Variants in CLEC17A observed in about 807,000 individuals in gnomAD.
The protein encoded by CLEC17A is C-type lectin domain containing 17A.
A neutral mutation model predicts 61.3 loss-of-function variants in CLEC17A; 37 were observed. The observed-to-expected ratio is 0.60, with a 90% CI of 0.46 to 0.79. The LOEUF is 0.79. Among genes scored for constraint, CLEC17A ranks in the 30% least tolerant of loss-of-function variants. The probability of loss-of-function intolerance (pLI) is 0.00; values close to 1 mark genes in which losing one functional copy is unlikely to be tolerated. For missense variants in CLEC17A, 418 were observed against 464.7 expected (o/e 0.90, Z 0.92); for synonymous variants, 168 against 164.9 (o/e 1.02, Z -0.14).
intron 7 of CLEC17A, 100 bp downstream of exon 7, chr19:14,594,900 G>A: frequency 5.9e-6 from 7 of 1,191,410 alleles, no homozygotes; most frequent in Non-Finnish European, 8.4e-6. Context: ...TTGAGACAGA[G>A]TCTCACTGTC....
chr19:14,589,336 A>G (rs549409886), intron 3 of CLEC17A, among the ~76,000 whole-genome samples: 2 of 128,720 alleles, frequency 1.6e-5, no homozygotes, highest in East Asian at 2.0e-4. Context: ...ATCCCCTTCC[A>G]TCCCTTCCCC....
upstream of CLEC17A, among the ~76,000 whole-genome samples, chr19:14,581,969 T>C (rs895181508): frequency 4.6e-5 from 7 of 152,078 alleles, no homozygotes; most frequent in African/African-American, 1.7e-4. Flanking sequence ...TTTATAGTTC[T>C]GGAGTCAGGA....
At chr19:14,605,387 C>T (rs545710581) in intron 12 of CLEC17A, among the ~76,000 whole-genome samples, 18 of 151,678 alleles carry the variant, frequency 1.2e-4, no homozygotes, top group Admixed American at 3.9e-4. Context: ...TGAGCCACCG[C>T]GCCCGGCCAC....
intron 10 of CLEC17A, 114 bp from the exon 11 acceptor site, chr19:14,599,603 T>A (rs1272072353): frequency 7.8e-6 from 6 of 770,586 alleles, no homozygotes; most frequent in Non-Finnish European, 1.2e-5. Context: ...CACTGGAATG[T>A]GGACACAGTG....
intron 4 of CLEC17A, among the ~76,000 whole-genome samples, 195 bp from the exon 5 acceptor site, chr19:14,594,322 C>T (rs2074492349): frequency 6.6e-6 from 1 of 151,810 alleles, no homozygotes; most frequent in African/African-American, 2.4e-5. Context: ...TAGGGAGATA[C>T]CCAGGCAATC....
At chr19:14,596,818 C>A (rs942534571) in intron 8 of CLEC17A, 58 bp from the exon 9 acceptor site, 5 of 1,575,156 alleles carry the variant, frequency 3.2e-6, no homozygotes, top group Non-Finnish European at 4.3e-6. Context: ...TTAAGAGTCT[C>A]TTCCTTACTC....
At chr19:14,584,840 C>G (rs1027919761) in intron 2 of CLEC17A, among the ~76,000 whole-genome samples, 6 of 151,474 alleles carry the variant, frequency 4.0e-5, no homozygotes, top group Non-Finnish European at 7.4e-5. Context: ...AACTTCATCA[C>G]CCTCTCTACT....
intron 12 of CLEC17A, among the ~76,000 whole-genome samples, chr19:14,605,920 T>G (rs1379856323): frequency 6.6e-6 from 1 of 152,038 alleles, no homozygotes; most frequent in Non-Finnish European, 1.5e-5. Flanking sequence ...TAAAAATTTT[T>G]GTAGATATGG....
intron 10 of CLEC17A, among the ~76,000 whole-genome samples, chr19:14,597,873 C>A (rs565488575): frequency 3.9e-5 from 6 of 152,240 alleles, no homozygotes; most frequent in African/African-American, 1.4e-4. Flanking sequence ...TGAAGTGTTT[C>A]GTGCCTGGCC....
chr19:14,590,281 G>T (rs2396225), intron 3 of CLEC17A, among the ~76,000 whole-genome samples: 142,829 of 151,972 alleles, frequency 0.94, 67,333 homozygotes, highest in African/African-American at 0.99. Context: ...TGATGACCTC[G>T]CTACATTAGC....
chr19:14,604,633 C>T (rs1456559547), intron 12 of CLEC17A, among the ~76,000 whole-genome samples: 6 of 151,840 alleles, frequency 4.0e-5, no homozygotes, highest in African/African-American at 1.2e-4. Flanking sequence ...CATGGTGGCG[C>T]GTGGCTGTAA....
At chr19:14,600,996 G>A (rs1228360718) in intron 12 of CLEC17A, among the ~76,000 whole-genome samples, 3 of 143,880 alleles carry the variant, frequency 2.1e-5, no homozygotes, top group African/African-American at 7.7e-5. Flanking sequence ...TCTGCCTCCC[G>A]GGTTCAAGCA....
chr19:14,592,377 G>A lies in CLEC17A; in HGVS notation c.277+19G>A. The A allele has an allele frequency of 1.2e-6, 2 of 1,610,542 alleles. No individual in the cohort carries two copies. Among genetic ancestry groups the A allele is most frequent in the Non-Finnish European group, 1.7e-6 (2 of 1,178,322 alleles). Reference sequence around the variant, plus strand: ...AAGCCAGGTAAGAGGACTTTTTGGAGTGTGACCTGGGGGAATACAGGGAAC... The same window carrying A: ...AAGCCAGGTAAGAGGACTTTTTGGAATGTGACCTGGGGGAATACAGGGAAC... On this transcript the variant is annotated intron_variant, in intron 4 of 13. Transcript: ENST00000417570.
At chr19:14,598,509 T>G (rs796948220) in intron 10 of CLEC17A, among the ~76,000 whole-genome samples, 1 of 151,894 alleles carries the variant, frequency 6.6e-6, no homozygotes, top group South Asian at 2.1e-4. Flanking sequence ...ATTTTGCTCT[T>G]GTTGCCCAGG....
intron 10 of CLEC17A, chr19:14,599,516 C>G (rs949152450): frequency 1.6e-6 from 1 of 642,506 alleles, no homozygotes; most frequent in African/African-American, 1.8e-5. Flanking sequence ...TCCCCACATC[C>G]CCGGGATTGA....
At chr19:14,599,540 C>T in intron 10 of CLEC17A, 177 bp from the exon 11 acceptor site, 3 of 679,552 alleles carry the variant, frequency 4.4e-6, no homozygotes, top group Non-Finnish European at 8.1e-6. Context: ...CTCCTCTGAG[C>T]CATTCTCGGA....
chr19:14,604,690 G>A (rs2074810950), intron 12 of CLEC17A, among the ~76,000 whole-genome samples: 2 of 151,842 alleles, frequency 1.3e-5, no homozygotes, highest in Admixed American at 1.3e-4. Context: ...TTGAACCTGC[G>A]AGGCGGAGGG....
intron 11 of CLEC17A, 89 bp downstream of exon 11, chr19:14,599,901 G>A: frequency 6.7e-7 from 1 of 1,488,380 alleles, no homozygotes; most frequent in Non-Finnish European, 9.2e-7. Flanking sequence ...TCTCAGTGCA[G>A]TCTATGTGAA....
Position 14,583,367 on chromosome 19 carries a change from G to C in CLEC17A, c.54G>C (p.Glu18Asp), listed in dbSNP as rs1047245931. The C allele has an allele frequency of 1.9e-6, 3 of 1,610,900 alleles. No homozygotes were observed. Among genetic ancestry groups the C allele is most frequent in the Non-Finnish European group, 2.5e-6 (3 of 1,178,524 alleles). ...TGYPDPPGTM[E>D]EEEEDDDYEN... ...CCTTTCCCCTGGAAGGGACCATGGA[G>C]GAGGAGGAGGAGGATGATGACTATG... The change falls in exon 2 of 14, where the codon GAG becomes GAC. Residue 18 changes from glutamate (E) to aspartate (D), a missense_variant. Transcript: ENST00000417570.
Sources: gnomAD v4.1 joint callset for allele counts (sites outside exome capture counted in the v4.1 genomes callset) on GRCh38, gnomAD v4.1.1 for gene constraint, MANE v1.5 for transcripts, NCBI Gene and HGNC (gene_info 2026-07-23, HGNC 2026-07-21) for gene names.